The following DLG2 variants were observed in gnomAD, a reference collection of about 807,000 sequenced individuals.
DLG2 encodes discs large MAGUK scaffold protein 2.
In DLG2, 45 loss-of-function variants were observed where a neutral mutation model predicts 132.5. That is an observed-to-expected ratio of 0.34 (90% CI 0.27 to 0.44). The LOEUF (loss-of-function observed/expected upper bound fraction) is 0.44, where lower values mean the gene tolerates loss of function less well. Ranked by LOEUF, DLG2 falls within the 20% of genes least tolerant of loss-of-function variation. The pLI, the probability that DLG2 is intolerant of heterozygous loss-of-function variation, is 1.00. For synonymous variants in DLG2, 424 were observed against 419.6 expected (o/e 1.01, Z -0.13); for missense variants, 1,045 against 1,196.9 (o/e 0.87, Z 1.87).
intron 2 of DLG2, among the ~76,000 whole-genome samples, chr11:85,618,189 G>C (rs1050215305): frequency 6.6e-6 from 1 of 152,108 alleles, no homozygotes; most frequent in Non-Finnish European, 1.5e-5. Context: ...CCTACATTGA[G>C]GATATAGAAA....
chr11:84,258,587 T>G lies in DLG2; in HGVS notation c.520-7296A>C, dbSNP rs1010719493. 3.3e-5 allele frequency among the ~76,000 whole-genome samples: 5 copies of G among 151,698 alleles called. No homozygotes were observed. The East Asian group carries it at 9.7e-4, about 29-fold the overall frequency. ...GTTCCCATTAAAAAGAAGGAAGGAA[T>G]GAAAGAAAGAAAGGAGAGAAGAAAG... On this transcript the variant is annotated intron_variant, in intron 7 of 27. Coordinates refer to ENST00000376104, the MANE Select transcript of DLG2 (RefSeq NM_001142699.3).
chr11:84,628,911 G>T (rs2099627245), intron 6 of DLG2, among the ~76,000 whole-genome samples: 1 of 152,104 alleles, frequency 6.6e-6, no homozygotes, highest in African/African-American at 2.4e-5. Flanking sequence ...GAATAGTCTG[G>T]CTGTGACCGA....
intron 19 of DLG2, among the ~76,000 whole-genome samples, chr11:83,596,060 C>T (rs2057523484): frequency 6.6e-6 from 1 of 152,230 alleles, no homozygotes; most frequent in African/African-American, 2.4e-5. Context: ...CACAGTGGAC[C>T]TTATTTTAAC....
chr11:84,671,272 T>A (rs928096506), intron 6 of DLG2, among the ~76,000 whole-genome samples: 1 of 152,032 alleles, frequency 6.6e-6, no homozygotes, highest in African/African-American at 2.4e-5. Flanking sequence ...CTTATTTTTT[T>A]AAATTTTTTT....
At chr11:84,438,476 A>G (rs2099007772) in intron 7 of DLG2, among the ~76,000 whole-genome samples, 1 of 143,738 alleles carries the variant, frequency 7.0e-6, no homozygotes. Context: ...AAAAAATAAA[A>G]AATAAAAAAT....
At position 85,561,331 on chromosome 11, in the gene DLG2, CAAAAAAAAAAAAAAAAAAAAAAAAA is replaced by C; in HGVS notation, c.40+37301_40+37325del. Among the ~76,000 whole-genome samples, 2 of 12,502 alleles carry C rather than the reference CAAAAAAAAAAAAAAAAAAAAAAAAA, an allele frequency of 1.6e-4. 1 individual carries two copies. Among genetic ancestry groups the C allele is most frequent in the Non-Finnish European group, 3.2e-4 (2 of 6,308 alleles). The allele number at this position is 12,502 out of a possible 152,430, so 8.2% of individuals were successfully genotyped here. On this transcript the variant is annotated intron_variant, in intron 3 of 27. Transcript: ENST00000376104. The stretch of plus-strand genomic sequence containing the variant: ...TAGGTGACAGAGCAAGACCCTATCT[CAAAAAAAAAAAAAAAAAAAAAAAAA>C]AAAAAAAAAAAATAGCTGTGTAAAC...
chr11:83,932,791 T>G (rs2154132169), intron 14 of DLG2, among the ~76,000 whole-genome samples: 1 of 152,248 alleles, frequency 6.6e-6, no homozygotes, highest in Non-Finnish European at 1.5e-5. Flanking sequence ...TACTCTAAAT[T>G]TTTCAGGCCA....
intron 10 of DLG2, among the ~76,000 whole-genome samples, chr11:84,063,370 C>T (rs971512177): frequency 2.0e-5 from 3 of 152,166 alleles, no homozygotes; most frequent in Admixed American, 6.6e-5. Context: ...GATAGTCTAT[C>T]GGTAGCCCGT....
intron 10 of DLG2, among the ~76,000 whole-genome samples, chr11:84,072,768 G>A (rs2154145829): frequency 6.6e-6 from 1 of 152,318 alleles, no homozygotes; most frequent in African/African-American, 2.4e-5. Flanking sequence ...GTACAATGTG[G>A]AGATGTGGAC....
At chr11:83,735,862 A>G (rs1371527208) in intron 18 of DLG2, among the ~76,000 whole-genome samples, 1 of 152,196 alleles carries the variant, frequency 6.6e-6, no homozygotes, top group East Asian at 1.9e-4. Context: ...CAGGGAAATG[A>G]ACTGACTAAT....
chr11:83,741,275 T>C (rs1295785128), intron 18 of DLG2, among the ~76,000 whole-genome samples: 6 of 152,068 alleles, frequency 3.9e-5, no homozygotes, highest in African/African-American at 1.4e-4. Flanking sequence ...ACCACTCCTA[T>C]TCAACATAGT....
intron 7 of DLG2, among the ~76,000 whole-genome samples, chr11:84,348,899 A>G (rs773073763): frequency 6.6e-6 from 1 of 152,228 alleles, no homozygotes; most frequent in African/African-American, 2.4e-5. Flanking sequence ...TTAGGAGAGA[A>G]GCATGGAACA....
chr11:85,582,198 T>TA (rs753660138), intron 3 of DLG2, among the ~76,000 whole-genome samples: 1 of 152,084 alleles, frequency 6.6e-6, no homozygotes, highest in Non-Finnish European at 1.5e-5. Context: ...CATGAAGACT[T>TA]ACGGTAGCTA....
At chr11:83,725,040 T>A in intron 18 of DLG2, 1 of 606,986 alleles carries the variant, frequency 1.6e-6, no homozygotes, top group Non-Finnish European at 3.0e-6. Context: ...AGGGCTACCT[T>A]CCCAGGCTAG....
chr11:85,469,101 T>C (rs79244501), intron 3 of DLG2, among the ~76,000 whole-genome samples: 5,459 of 152,304 alleles, frequency 0.036, 146 homozygotes, highest in Admixed American at 0.053. Context: ...TCAAGAACCA[T>C]GAAAGTATTA....
chr11:84,202,294 A>G (rs1279713707), intron 8 of DLG2, among the ~76,000 whole-genome samples: 1 of 152,178 alleles, frequency 6.6e-6, no homozygotes, highest in Non-Finnish European at 1.5e-5. Context: ...AACAGCATAG[A>G]GAATCCAGAG....
At chr11:84,780,462 C>T (rs920137717) in intron 6 of DLG2, among the ~76,000 whole-genome samples, 6 of 152,006 alleles carry the variant, frequency 3.9e-5, no homozygotes, top group African/African-American at 9.7e-5. Flanking sequence ...CCTGTAAGAA[C>T]TGGAACAAAG....
intron 18 of DLG2, among the ~76,000 whole-genome samples, chr11:83,707,269 G>A (rs980721706): frequency 6.6e-6 from 1 of 152,138 alleles, no homozygotes; most frequent in African/African-American, 2.4e-5. Flanking sequence ...GTTGCCCTTA[G>A]GAGTTCCTGT....
intron 3 of DLG2, among the ~76,000 whole-genome samples, chr11:85,465,525 A>C (rs961800502): frequency 2.6e-5 from 4 of 151,810 alleles, no homozygotes; most frequent in Non-Finnish European, 1.5e-5. Flanking sequence ...CTCATTGTTC[A>C]ATTCCCACCT....
Sources: gnomAD v4.1 joint callset for allele counts (sites outside exome capture counted in the v4.1 genomes callset) on GRCh38, gnomAD v4.1.1 for gene constraint, MANE v1.5 for transcripts, NCBI Gene and HGNC (gene_info 2026-07-23, HGNC 2026-07-21) for gene names.